TBX15: variants seen among roughly 807,000 people sequenced by gnomAD.
TBX15 encodes T-box transcription factor TBX15.
Under a neutral mutation model 53.9 loss-of-function variants are expected in TBX15, and 18 were observed. The ratio of observed to expected loss-of-function variants is 0.33; its 90% CI spans 0.23 to 0.49. TBX15 has a LOEUF of 0.49. Among genes scored for constraint, TBX15 ranks in the 20% least tolerant of loss-of-function variants. The probability of loss-of-function intolerance (pLI) is 0.98; values close to 1 mark genes in which losing one functional copy is unlikely to be tolerated. For synonymous variants in TBX15, 295 were observed against 278.0 expected, an observed-to-expected ratio of 1.06 and a Z score of -0.61; for missense variants, 692 against 749.5, an observed-to-expected ratio of 0.92 and a Z score of 0.90.
intron 1 of TBX15, among the ~76,000 whole-genome samples, chr1:118,984,260 G>A (rs549905977): frequency 1.3e-5 from 2 of 152,316 alleles, no homozygotes; most frequent in East Asian, 1.9e-4. Context: ...GTGCCCACCC[G>A]CGCGCGCCAC....
chr1:118,943,895 G>T (rs12138613), intron 1 of TBX15, among the ~76,000 whole-genome samples: 1 of 152,028 alleles, frequency 6.6e-6, no homozygotes, highest in African/African-American at 2.4e-5. Flanking sequence ...AACATGCCCA[G>T]TGCCACCCAC....
At chr1:118,947,394 ACT>A (rs1393011787) in intron 1 of TBX15, among the ~76,000 whole-genome samples, 1 of 152,188 alleles carries the variant, frequency 6.6e-6, no homozygotes, top group African/African-American at 2.4e-5. Flanking sequence ...GGTGAAAGGA[ACT>A]CTGGATTCAG....
At chr1:118,890,831 T>C (rs888019519) in intron 7 of TBX15, 17 of 1,262,370 alleles carry the variant, frequency 1.3e-5, no homozygotes, top group Non-Finnish European at 1.7e-5. Flanking sequence ...CAAAACCCCA[T>C]CTAGGCTAGT....
At chr1:118,980,675 A>G (rs1657617321) in intron 1 of TBX15, among the ~76,000 whole-genome samples, 1 of 152,270 alleles carries the variant, frequency 6.6e-6, no homozygotes, top group Non-Finnish European at 1.5e-5. Flanking sequence ...GAAGAACATG[A>G]AACCACTTTT....
At chr1:118,937,362 G>C (rs1225397010) in intron 1 of TBX15, among the ~76,000 whole-genome samples, 1 of 152,110 alleles carries the variant, frequency 6.6e-6, no homozygotes, top group African/African-American at 2.4e-5. Flanking sequence ...TAAACTCTTG[G>C]GACATCAGGG....
chr1:118,893,269 A>AGAAGGAAGGAAGGAAGGAAGGAAG (rs373917263), intron 7 of TBX15, among the ~76,000 whole-genome samples: 22 of 61,086 alleles, frequency 3.6e-4, no homozygotes, highest in Non-Finnish European at 4.7e-4. Flanking sequence ...AAAGAAAGGA[A>AGAAGGAAGGAAGGAAGGAAGGAAG]GAAGGAAGGA....
chr1:118,909,091 A>G (rs1430679205), intron 6 of TBX15, among the ~76,000 whole-genome samples: 1 of 152,192 alleles, frequency 6.6e-6, no homozygotes, highest in Admixed American at 6.5e-5. Flanking sequence ...GAGAACTACA[A>G]TAGGCTCTAA....
Position 118,885,266 on chromosome 1 carries a change from C to T in TBX15, c.1275G>A (p.Gln425=). 1.2e-6 allele frequency: 2 copies of T among 1,614,104 alleles called. No individual in the cohort carries two copies. Among genetic ancestry groups the T allele is most frequent in the Admixed American group, 1.7e-5 (1 of 60,022 alleles). The change falls in exon 8 of 8, where the codon CAG becomes CAA. Residue 425 remains glutamine, a synonymous_variant. Transcript: ENST00000369429. ...GLSDSGYNRL[Q]SGTTSATQPS... ...GCTGAGTGGCTGAAGTGGTGCCACTCTGAAGCCTGTTGTAGCCACTGTCAC... is the reference window on the plus strand; with the variant it reads ...GCTGAGTGGCTGAAGTGGTGCCACTTTGAAGCCTGTTGTAGCCACTGTCAC...
chr1:118,914,451 G>T (rs1005317141), intron 5 of TBX15, among the ~76,000 whole-genome samples: 2 of 152,182 alleles, frequency 1.3e-5, no homozygotes, highest in Non-Finnish European at 2.9e-5. Flanking sequence ...CCCCAGAGTG[G>T]TGGTAAATCA....
chr1:118,968,326 T>C (rs530855241), intron 1 of TBX15, among the ~76,000 whole-genome samples: 86 of 152,290 alleles, frequency 5.6e-4, no homozygotes, highest in South Asian at 3.7e-3. Flanking sequence ...GTGAGTCTCC[T>C]GCCTCAGTCT....
chr1:118,931,471 T>G (rs540664130), intron 2 of TBX15, 148 bp downstream of exon 2: 1 of 840,098 alleles, frequency 1.2e-6, no homozygotes, highest in African/African-American at 1.7e-5. Flanking sequence ...ACAGAACAAC[T>G]TTACCAAGAT....
chr1:118,958,088 T>C (rs1428620504), intron 1 of TBX15, among the ~76,000 whole-genome samples: 2 of 152,278 alleles, frequency 1.3e-5, no homozygotes, highest in Non-Finnish European at 2.9e-5. Flanking sequence ...GACTGAATGT[T>C]TGTGTCCCCA....
At chr1:118,975,991 T>C (rs1399110908) in intron 1 of TBX15, among the ~76,000 whole-genome samples, 1 of 152,206 alleles carries the variant, frequency 6.6e-6, no homozygotes, top group Non-Finnish European at 1.5e-5. Context: ...AAAGGATCTC[T>C]TCTCTGTTCC....
At chr1:118,939,277 C>T (rs992387958) in intron 1 of TBX15, among the ~76,000 whole-genome samples, 11 of 151,476 alleles carry the variant, frequency 7.3e-5, no homozygotes, top group Admixed American at 3.9e-4. Flanking sequence ...CATGATGGCA[C>T]GTGCCTGTAG....
rs114817125 is a variant in TBX15 at position 118,981,926 on chromosome 1, C to T, written c.205+5665G>A. Among the ~76,000 whole-genome samples the T allele has an allele frequency of 7.3e-3, 1,116 of 152,310 alleles. 4 individuals are homozygous for T. Among genetic ancestry groups the T allele is most frequent in the Non-Finnish European group, 0.011 (782 of 68,030 alleles). On this transcript the variant is annotated intron_variant, in intron 1 of 7. Coordinates refer to ENST00000369429, the MANE Select transcript of TBX15 (RefSeq NM_001330677.2). ...AAAAGCAAAGCAAAAATAAACTACA[C>T]GGATGAGAAAGAGTAAGGAAAAGAG...
rs1294314719 is a variant in TBX15, at chr1:118,939,422, AAAAAAAAAAAAAAAC to A, written c.206-7605_206-7591del. 7.4e-4 allele frequency among the ~76,000 whole-genome samples: 88 copies of A among 119,164 alleles called. 1 individual carries two copies. The highest frequency in any genetic ancestry group is 2.0e-3 in the African/African-American group (59 of 29,538). 78.2% of individuals were successfully genotyped at this position (119,164 alleles called of 152,430 possible). ...GATCTAGTCTCAAAAAAAAAAAAAA[AAAAAAAAAAAAAAAC>A]AAAAACAGGAACAGAAAACCAAATA... On this transcript the variant is annotated intron_variant, in intron 1 of 7. Coordinates refer to ENST00000369429, the MANE Select transcript of TBX15 (RefSeq NM_001330677.2).
At chr1:118,908,944 A>ACT (rs59877443) in intron 6 of TBX15, among the ~76,000 whole-genome samples, 1 of 147,042 alleles carries the variant, frequency 6.8e-6, no homozygotes, top group Non-Finnish European at 1.5e-5. Context: ...ACACACACAC[A>ACT]TGCATGCATG....
rs192074581 is a variant in TBX15, at chr1:118,923,422, G to A, written c.861+14C>T. The A allele has an allele frequency of 1.9e-6, 3 of 1,613,662 alleles. No individual in the cohort carries two copies. In the Admixed American group the frequency reaches 5.0e-5, roughly 27 times the overall value. On this transcript the variant is annotated intron_variant, in intron 5 of 7. Transcript: ENST00000369429. ...AACAGATGTAGCAGAAGACTCTCAAGGGCCACCTCTTACCTGCTGATTCTG... is the reference window on the plus strand; with the variant it reads ...AACAGATGTAGCAGAAGACTCTCAAAGGCCACCTCTTACCTGCTGATTCTG...
At chr1:118,963,524 T>C (rs141351616) in intron 1 of TBX15, among the ~76,000 whole-genome samples, 59 of 152,354 alleles carry the variant, frequency 3.9e-4, no homozygotes, top group Admixed American at 2.0e-3. Context: ...AGTTTTGAAC[T>C]GTGACATATT....
Sources: gnomAD v4.1 joint callset for allele counts (sites outside exome capture counted in the v4.1 genomes callset) on GRCh38, gnomAD v4.1.1 for gene constraint, MANE v1.5 for transcripts, NCBI Gene and HGNC (gene_info 2026-07-23, HGNC 2026-07-21) for gene names.